Variants in RALGPS1 observed in about 807,000 individuals in gnomAD.
RALGPS1 encodes Ral GEF with PH domain and SH3 binding motif 1.
Under a neutral mutation model 78.8 loss-of-function variants are expected in RALGPS1, and 19 were observed. That is an observed-to-expected ratio of 0.24 (90% CI 0.17 to 0.35). RALGPS1 has a LOEUF of 0.35. RALGPS1 is among the 10% of genes least tolerant of loss of function. RALGPS1 has a pLI of 1.00. For missense variants in RALGPS1, 454 were observed against 688.3 expected, an observed-to-expected ratio of 0.66 and a Z score of 3.81; for synonymous variants, 228 against 256.3, an observed-to-expected ratio of 0.89 and a Z score of 1.06.
chr9:127,123,902 A>T (rs2056394457), intron 8 of RALGPS1, among the ~76,000 whole-genome samples: 1 of 152,084 alleles, frequency 6.6e-6, no homozygotes, highest in Non-Finnish European at 1.5e-5. Context: ...GGACAAGAAC[A>T]TGTGAAATAT....
At chr9:126,973,057 A>G (rs1408419733) in intron 3 of RALGPS1, among the ~76,000 whole-genome samples, 1 of 151,990 alleles carries the variant, frequency 6.6e-6, no homozygotes, top group Non-Finnish European at 1.5e-5. Context: ...GCGAGACTCC[A>G]TCTCAAAACA....
At chr9:126,980,423 A>G (rs1216086870) in intron 4 of RALGPS1, among the ~76,000 whole-genome samples, 1 of 152,132 alleles carries the variant, frequency 6.6e-6, no homozygotes, top group Non-Finnish European at 1.5e-5. Flanking sequence ...AAAAATTACA[A>G]ATGCCTAGGC....
At chr9:127,077,762 A>G (rs890595874) in intron 8 of RALGPS1, among the ~76,000 whole-genome samples, 4 of 151,982 alleles carry the variant, frequency 2.6e-5, no homozygotes, top group African/African-American at 7.3e-5. Context: ...CCACAGATCC[A>G]TCCTGGTTGT....
intron 1 of RALGPS1, among the ~76,000 whole-genome samples, chr9:126,961,257 G>T (rs970831294): frequency 4.6e-5 from 7 of 152,126 alleles, no homozygotes; most frequent in Non-Finnish European, 1.0e-4. Context: ...TGACAGGGTG[G>T]CAGGGTGGCA....
chr9:127,212,417 G>T lies in RALGPS1; in HGVS notation c.1353+181G>T, dbSNP rs1169564339. On this transcript the variant is annotated intron_variant, in intron 15 of 18. Coordinates refer to ENST00000259351, the MANE Select transcript of RALGPS1 (RefSeq NM_014636.3). The surrounding 1 kb of genome is among the most constrained non-coding windows in gnomAD (Gnocchi z 6.0). ...CTGCCGTAAAATGAACAAAGGGAAG[G>T]CTCCTTGAGTAAAGGAGCAAGAGAC... Among the ~76,000 whole-genome samples, 1 of 152,188 alleles carries T rather than the reference G, an allele frequency of 6.6e-6. No homozygotes were observed. The highest frequency in any genetic ancestry group is 2.4e-5 in the African/African-American group (1 of 41,444).
intron 13 of RALGPS1, among the ~76,000 whole-genome samples, chr9:127,197,942 C>G (rs2061429263): frequency 6.6e-6 from 1 of 152,214 alleles, no homozygotes; most frequent in South Asian, 2.1e-4. Context: ...GGAATGCCCT[C>G]TGGGAAATGC....
At chr9:127,215,158 T>A (rs1255033739) in intron 18 of RALGPS1, among the ~76,000 whole-genome samples, 3 of 152,198 alleles carry the variant, frequency 2.0e-5, no homozygotes, top group African/African-American at 7.2e-5. Context: ...AGCATCTATT[T>A]AGGTCATCCC....
intron 4 of RALGPS1, among the ~76,000 whole-genome samples, chr9:126,998,544 T>C (rs537563289): frequency 8.5e-5 from 13 of 152,228 alleles, no homozygotes; most frequent in South Asian, 4.2e-4. Flanking sequence ...TGTGGAGAAA[T>C]AGGAACACTT....
intron 7 of RALGPS1, among the ~76,000 whole-genome samples, chr9:127,054,378 T>C (rs1003231171): frequency 6.6e-6 from 1 of 152,250 alleles, no homozygotes; most frequent in Non-Finnish European, 1.5e-5. Flanking sequence ...TCATGATGCC[T>C]AGACTTTACT....
At chr9:127,133,119 G>A (rs1292558448) in intron 8 of RALGPS1, among the ~76,000 whole-genome samples, 2 of 152,230 alleles carry the variant, frequency 1.3e-5, no homozygotes, top group East Asian at 3.8e-4. Context: ...CATGGTAAGC[G>A]TTAACTCTTT....
chr9:127,066,551 T>C (rs1165923797), intron 7 of RALGPS1, among the ~76,000 whole-genome samples: 1 of 152,256 alleles, frequency 6.6e-6, no homozygotes, highest in East Asian at 1.9e-4. Context: ...TGAGACACGA[T>C]AATTGCTTGA....
At chr9:127,168,622 C>G in intron 9 of RALGPS1, 57 bp from the exon 10 acceptor site, 2 of 1,176,286 alleles carry the variant, frequency 1.7e-6, no homozygotes, top group South Asian at 1.2e-5. Context: ...TACTTCTCAT[C>G]TGGGGGCCTA....
intron 1 of RALGPS1, among the ~76,000 whole-genome samples, chr9:126,959,519 C>T (rs1199323892): frequency 2.0e-5 from 3 of 152,022 alleles, no homozygotes; most frequent in Admixed American, 6.5e-5. Context: ...CGTCTCCTCT[C>T]CTTGCTCATG....
chr9:127,108,079 G>A (rs1276928549), intron 8 of RALGPS1: 5 of 1,611,396 alleles, frequency 3.1e-6, no homozygotes, highest in East Asian at 4.5e-5. Flanking sequence ...CGGGGCAGCG[G>A]GGGGTGGCTG....
At chr9:126,945,528 GCTAA>G (rs751239188) in intron 1 of RALGPS1, among the ~76,000 whole-genome samples, 1 of 152,146 alleles carries the variant, frequency 6.6e-6, no homozygotes, top group Non-Finnish European at 1.5e-5. Context: ...TTTGCCCTCT[GCTAA>G]CTCTTTCAGT....
rs74371673 is a variant in RALGPS1, at chr9:127,135,451, C to T, written c.611-30618C>T. Among the ~76,000 whole-genome samples, 572 of 152,154 alleles carry T rather than the reference C, an allele frequency of 3.8e-3. 4 individuals are homozygous for T. The highest frequency in any genetic ancestry group is 0.013 in the African/African-American group (542 of 41,426). ...GCTGTACCAAGCAAGGGACAACCAG[C>T]CCAGAGCAGGGGCCAGGGACATGTG... On this transcript the variant is annotated intron_variant, in intron 8 of 18. Transcript: ENST00000259351.
intron 3 of RALGPS1, among the ~76,000 whole-genome samples, chr9:126,973,346 G>C (rs1286979230): frequency 6.6e-6 from 1 of 152,178 alleles, no homozygotes; most frequent in African/African-American, 2.4e-5. Flanking sequence ...ATTCAAGCCT[G>C]GACAACAGGT....
intron 8 of RALGPS1, among the ~76,000 whole-genome samples, chr9:127,102,438 G>C (rs1362603964): frequency 6.6e-6 from 1 of 152,160 alleles, no homozygotes; most frequent in East Asian, 1.9e-4. Flanking sequence ...GCTGGCCACA[G>C]ATGCCTGATC....
intron 14 of RALGPS1, among the ~76,000 whole-genome samples, chr9:127,206,366 G>T (rs2061930081): frequency 1.3e-5 from 2 of 152,214 alleles, no homozygotes; most frequent in South Asian, 4.1e-4. Context: ...GTTCAGCATG[G>T]CTGGAGAGGC....
Sources: gnomAD v4.1 joint callset for allele counts (sites outside exome capture counted in the v4.1 genomes callset) on GRCh38, gnomAD v4.1.1 for gene constraint, Gnocchi (gnomAD v3.1) non-coding constraint, MANE v1.5 for transcripts, NCBI Gene and HGNC (gene_info 2026-07-23, HGNC 2026-07-21) for gene names.